XRRA1: variants seen among roughly 807,000 people sequenced by gnomAD.
XRRA1 encodes X-ray radiation resistance associated 1.
In XRRA1, 69 loss-of-function variants were observed where a neutral mutation model predicts 80.2. The ratio of observed to expected loss-of-function variants is 0.86; its 90% CI spans 0.71 to 1.05. XRRA1 has a LOEUF of 1.05. Among genes scored for constraint, XRRA1 ranks in the 50% least tolerant of loss-of-function variants. XRRA1 has a pLI of 0.00. For missense variants in XRRA1, 967 were observed against 976.4 expected, an observed-to-expected ratio of 0.99 and a Z score of 0.13; for synonymous variants, 348 against 389.9, an observed-to-expected ratio of 0.89 and a Z score of 1.27.
intron 10 of XRRA1, among the ~76,000 whole-genome samples, chr11:74,867,350 A>G (rs1269760205): frequency 6.6e-6 from 1 of 152,168 alleles, no homozygotes; most frequent in East Asian, 1.9e-4. Context: ...AATATGGGAG[A>G]TGAAAGATGA....
chr11:74,933,650 A>G (rs918112774), intron 5 of XRRA1, 151 bp downstream of exon 5: 5 of 634,284 alleles, frequency 7.9e-6, no homozygotes, highest in Non-Finnish European at 1.4e-5. Context: ...TCAACCCAAT[A>G]AATCCTTGTC....
chr11:74,899,027 C>T (rs2053020040), intron 10 of XRRA1, among the ~76,000 whole-genome samples: 1 of 152,082 alleles, frequency 6.6e-6, no homozygotes, highest in South Asian at 2.1e-4. Flanking sequence ...AGTCTTAAAA[C>T]ATTTTTAAAA....
intron 16 of XRRA1, among the ~76,000 whole-genome samples, chr11:74,844,809 G>C (rs77728104): frequency 0.021 from 3,236 of 152,376 alleles, 111 homozygotes; most frequent in African/African-American, 0.074. Context: ...ATCATCCAGA[G>C]CAGCTAGGCT....
chr11:74,856,902 C>T (rs868493619), intron 12 of XRRA1, among the ~76,000 whole-genome samples: 19 of 152,100 alleles, frequency 1.2e-4, no homozygotes, highest in Non-Finnish European at 2.4e-4. Flanking sequence ...CCCACTACTC[C>T]TGTGGTTGGA....
chr11:74,948,605 A>T (rs1335839053), intron 1 of XRRA1, among the ~76,000 whole-genome samples: 2 of 152,218 alleles, frequency 1.3e-5, no homozygotes, highest in Non-Finnish European at 2.9e-5. Flanking sequence ...AACCGAGTTC[A>T]GATACATGCT....
intron 10 of XRRA1, among the ~76,000 whole-genome samples, chr11:74,899,635 C>T (rs2053159547): frequency 6.6e-6 from 1 of 152,038 alleles, no homozygotes; most frequent in Admixed American, 6.5e-5. Flanking sequence ...AACTATATGC[C>T]AATAAATTGG....
chr11:74,890,522 G>A (rs977641717), intron 10 of XRRA1, among the ~76,000 whole-genome samples: 5 of 152,132 alleles, frequency 3.3e-5, no homozygotes, highest in Non-Finnish European at 7.4e-5. Flanking sequence ...ACATTCAAAA[G>A]CTAGCAGAAG....
chr11:74,937,908 T>C (rs1023327478), intron 3 of XRRA1, among the ~76,000 whole-genome samples: 1 of 152,170 alleles, frequency 6.6e-6, no homozygotes. Flanking sequence ...GCTCACCGCA[T>C]TGTGACTGTT....
intron 12 of XRRA1, among the ~76,000 whole-genome samples, chr11:74,852,315 G>C (rs1309902137): frequency 1.3e-5 from 2 of 152,182 alleles, no homozygotes; most frequent in Non-Finnish European, 2.9e-5. Context: ...CATCACTGTT[G>C]CGTGTTTAAG....
At chr11:74,892,058 A>G (rs1235230672) in intron 10 of XRRA1, among the ~76,000 whole-genome samples, 1 of 152,192 alleles carries the variant, frequency 6.6e-6, no homozygotes, top group African/African-American at 2.4e-5. Context: ...AAACTACTTT[A>G]AAGTTCATAT....
Position 74,843,946 on chromosome 11 carries a change from G to C in XRRA1, c.2057C>G (p.Pro686Arg). ...VHKEKRAQRI[P>R]IPPPKKTRAQ... is the part of the protein sequence containing the mutation. ...TCTAGTCTTCTTTGGGGGTGGAATCGGGATTCTCTGGGCCTGGCAGAAGGT... is the reference window on the plus strand; with the variant it reads ...TCTAGTCTTCTTTGGGGGTGGAATCCGGATTCTCTGGGCCTGGCAGAAGGT... Residue 686 changes from proline to arginine, a missense_variant, in exon 18 of 19, where the codon CCG becomes CGG. Transcript: ENST00000684022. The C allele has an allele frequency of 3.1e-6, 5 of 1,613,400 alleles. No homozygotes were observed. The highest frequency in any genetic ancestry group is 4.2e-6 in the Non-Finnish European group (5 of 1,179,612).
chr11:74,850,261 T>C (rs1467924490), intron 14 of XRRA1, among the ~76,000 whole-genome samples: 1 of 152,156 alleles, frequency 6.6e-6, no homozygotes, highest in Non-Finnish European at 1.5e-5. Flanking sequence ...GTCCTGGGCA[T>C]GGGGCTCTGT....
intron 7 of XRRA1, among the ~76,000 whole-genome samples, chr11:74,921,624 T>C (rs1940828672): frequency 1.3e-5 from 2 of 152,168 alleles, no homozygotes. Context: ...CTTGTGCTTT[T>C]TGCTTAAATG....
intron 2 of XRRA1, 119 bp downstream of exon 2, chr11:74,944,898 GA>G (rs1275976771): frequency 6.6e-6 from 1 of 152,600 alleles, no homozygotes; most frequent in Non-Finnish European, 1.5e-5. Context: ...TTGCTGGCTG[GA>G]AAATGTTAGA....
chr11:74,900,920 A>G (rs2053466934), intron 10 of XRRA1, among the ~76,000 whole-genome samples: 1 of 152,202 alleles, frequency 6.6e-6, no homozygotes, highest in Admixed American at 6.5e-5. Flanking sequence ...CACTTTTACC[A>G]CCATTATTCA....
At chr11:74,913,109 G>C (rs1330557197) in intron 8 of XRRA1, among the ~76,000 whole-genome samples, 1 of 152,200 alleles carries the variant, frequency 6.6e-6, no homozygotes. Context: ...ACGTGTAACT[G>C]AAACTGACAT....
chr11:74,866,915 G>T (rs2043576643), intron 10 of XRRA1, among the ~76,000 whole-genome samples: 1 of 152,112 alleles, frequency 6.6e-6, no homozygotes, highest in Admixed American at 6.6e-5. Context: ...AAGACAAAAG[G>T]GGTAGAAAGC....
intron 10 of XRRA1, among the ~76,000 whole-genome samples, chr11:74,893,202 T>C (rs968158339): frequency 3.3e-5 from 5 of 152,166 alleles, no homozygotes; most frequent in African/African-American, 1.2e-4. Flanking sequence ...GTGCCACATA[T>C]ACACCATGGA....
intron 6 of XRRA1, among the ~76,000 whole-genome samples, chr11:74,927,914 C>A (rs1416427483): frequency 6.6e-6 from 1 of 152,190 alleles, no homozygotes; most frequent in Non-Finnish European, 1.5e-5. Context: ...ATATAGCACT[C>A]AACTTTTTCT....
Sources: gnomAD v4.1 joint callset for allele counts (sites outside exome capture counted in the v4.1 genomes callset) on GRCh38, gnomAD v4.1.1 for gene constraint, MANE v1.5 for transcripts, NCBI Gene and HGNC (gene_info 2026-07-23, HGNC 2026-07-21) for gene names.